COL1A2: variants seen among roughly 807,000 people sequenced by gnomAD.
COL1A2 encodes collagen alpha-2(I) chain.
COL1A2 carries 49 observed loss-of-function variants against 174.3 expected under a neutral mutation model. That is an observed-to-expected ratio of 0.28 (90% CI 0.22 to 0.36). The LOEUF (loss-of-function observed/expected upper bound fraction) is 0.36, where lower values mean the gene tolerates loss of function less well. COL1A2 is among the 10% of genes least tolerant of loss of function. The pLI, the probability that COL1A2 is intolerant of heterozygous loss-of-function variation, is 1.00. For missense variants in COL1A2, 1,438 were observed against 1,822.7 expected (o/e 0.79, Z 3.84); for synonymous variants, 655 against 606.6 (o/e 1.08, Z -1.17).
intron 39 of COL1A2, 179 bp from the exon 40 acceptor site, chr7:94,422,778 A>G: frequency 4.0e-6 from 3 of 749,836 alleles, no homozygotes; most frequent in Non-Finnish European, 6.7e-6. Flanking sequence ...AAAGGAAGAC[A>G]GGAGTTGCTT....
At chr7:94,421,769 C>T (rs1008557061) in intron 38 of COL1A2, 130 bp from the exon 39 acceptor site, 2 of 666,052 alleles carry the variant, frequency 3.0e-6, no homozygotes, top group Non-Finnish European at 5.4e-6. Flanking sequence ...CTATATGAAG[C>T]TGCCTACCTC....
chr7:94,429,010 T>G (rs1052519718), intron 50 of COL1A2, among the ~76,000 whole-genome samples, 178 bp from the exon 51 acceptor site: 9 of 152,162 alleles, frequency 5.9e-5, no homozygotes, highest in South Asian at 2.1e-4. Context: ...TTCATCTAGG[T>G]AACTGATACT....
intron 6 of COL1A2, among the ~76,000 whole-genome samples, chr7:94,402,597 G>A (rs1044674777): frequency 3.3e-5 from 5 of 151,996 alleles, no homozygotes; most frequent in Admixed American, 2.0e-4. Flanking sequence ...ATGCTAATAC[G>A]AGCATGCAAA....
intron 29 of COL1A2, 26 bp from the exon 30 acceptor site, chr7:94,415,200 A>G: frequency 6.2e-7 from 1 of 1,608,276 alleles, no homozygotes; most frequent in Non-Finnish European, 8.5e-7. Context: ...CACAGATTTC[A>G]TGCTTTATTC....
chr7:94,413,622 A>T (rs1791978012), intron 26 of COL1A2, 68 bp from the exon 27 acceptor site: 2 of 1,436,064 alleles, frequency 1.4e-6, no homozygotes, highest in Admixed American at 3.3e-5. Context: ...GTAATACCTG[A>T]GGCTTTGAGA....
rs1233645596 is a variant in COL1A2, at chr7:94,431,189, A to C, written c.*796A>C. On this transcript the variant is annotated 3_prime_UTR_variant, in exon 52 of 52. Coordinates refer to ENST00000297268, the MANE Select transcript of COL1A2 (RefSeq NM_000089.4). ...ATGTGAGATGTTTAAATAAATTGTG[A>C]AAAAAATGAAATAAAGCATGTTTGG... The C allele has an allele frequency of 6.6e-6, 1 of 152,628 alleles. No individual in the cohort carries two copies. Among genetic ancestry groups the C allele is most frequent in the Non-Finnish European group, 1.5e-5 (1 of 68,044 alleles). The allele number at this position is 152,628 out of a possible 1,614,324, so 9.5% of individuals were successfully genotyped here.
chr7:94,410,168 T>G, intron 19 of COL1A2, 74 bp from the exon 20 acceptor site: 1 of 1,483,068 alleles, frequency 6.7e-7, no homozygotes, highest in East Asian at 2.3e-5. Flanking sequence ...CCCACAAATA[T>G]TCTAAGAGAT....
At chr7:94,420,107 G>C (rs1308468576) in intron 34 of COL1A2, 126 bp from the exon 35 acceptor site, 1 of 1,204,166 alleles carries the variant, frequency 8.3e-7, no homozygotes, top group Non-Finnish European at 1.2e-6. Flanking sequence ...TCTGTGAGAT[G>C]TGCGTCAGTT....
Position 94,417,545 on chromosome 7 carries a change from C to T in COL1A2, c.1864-179C>T, listed in dbSNP as rs543815425. The T allele has an allele frequency of 5.0e-4, 311 of 628,252 alleles. 1 individual carries two copies. The African/African-American group carries it at 5.1e-3, about 10-fold the overall frequency. The allele number at this position is 628,252 out of a possible 1,614,324, so 38.9% of individuals were successfully genotyped here. On this transcript the variant is annotated intron_variant, in intron 31 of 51. Transcript: ENST00000297268. ...ACCCTCATCTCTTCAGTCACCATGT[C>T]ATTAACAGCATCTCTCTCTGCTATA... is the stretch of plus-strand genomic sequence containing the variant.
rs762194836 is a variant in COL1A2, at chr7:94,404,540, T to G, written c.280-16T>G. The G allele has an allele frequency of 1.2e-6, 2 of 1,612,616 alleles. No homozygotes were observed. ...CTTATCAGTGCTAACTGTTGATATATCTGCTTTCTTTACAGGGCTTAATGG... is the reference window on the plus strand; with the variant it reads ...CTTATCAGTGCTAACTGTTGATATAGCTGCTTTCTTTACAGGGCTTAATGG... On this transcript the variant is annotated splice_polypyrimidine_tract_variant and intron_variant, in intron 6 of 51. Transcript: ENST00000297268.
intron 51 of COL1A2, chr7:94,429,778 T>C (rs1278706394): frequency 7.4e-6 from 2 of 269,904 alleles, no homozygotes; most frequent in Non-Finnish European, 1.4e-5. Flanking sequence ...TTCAGTGGCC[T>C]AAACTATAAT....
chr7:94,395,109 C>T lies in COL1A2; in HGVS notation c.70+8C>T, dbSNP rs982206007. On this transcript the variant is annotated splice_region_variant and intron_variant, in intron 1 of 51. Coordinates refer to ENST00000297268, the MANE Select transcript of COL1A2 (RefSeq NM_000089.4). Reference sequence around the variant, plus strand: ...GCCTAGCAACATGCCAATGTAAGTGCCTTCAGCTTGTTTGGGGGAGACTGG... The same window carrying T: ...GCCTAGCAACATGCCAATGTAAGTGTCTTCAGCTTGTTTGGGGGAGACTGG... The T allele has an allele frequency of 5.6e-6, 9 of 1,613,186 alleles. No individual in the cohort carries two copies. The Admixed American group carries it at 1.0e-4, about 18-fold the overall frequency.
rs923287341 is a variant in COL1A2 at position 94,430,634 on chromosome 7, T to A, written c.*241T>A. On this transcript the variant is annotated 3_prime_UTR_variant, in exon 52 of 52. Coordinates refer to ENST00000297268, the MANE Select transcript of COL1A2 (RefSeq NM_000089.4). ...TTTTTTTTCAACACTCTTACACCTG[T>A]TATGGAAAATGTCAACCTTTGTAAG... 2.5e-5 allele frequency: 12 copies of A among 477,768 alleles called. No individual in the cohort carries two copies. The highest frequency in any genetic ancestry group is 4.1e-5 in the Non-Finnish European group (11 of 270,852). 29.6% of individuals were successfully genotyped at this position (477,768 alleles called of 1,614,324 possible). A position where few individuals can be genotyped will look rare whatever the true frequency, so the allele number is the denominator to read the frequency against.
chr7:94,413,964 A>G lies in COL1A2; in HGVS notation c.1665+17A>G, dbSNP rs1425808381. ...GGCTTCCAGGTAAGTCAACTCAAAC[A>G]TATACAATACTGCCTTTGGTCAGCC... is the stretch of plus-strand genomic sequence containing the variant. On this transcript the variant is annotated intron_variant, in intron 28 of 51. Coordinates refer to ENST00000297268, the MANE Select transcript of COL1A2 (RefSeq NM_000089.4). 1 of 1,605,382 alleles carries G rather than the reference A, an allele frequency of 6.2e-7. No individual in the cohort carries two copies. Among genetic ancestry groups the G allele is most frequent in the East Asian group, 2.2e-5 (1 of 44,838 alleles).
chr7:94,404,967 A>G (rs1222070655), intron 9 of COL1A2, 75 bp downstream of exon 9: 2 of 1,548,376 alleles, frequency 1.3e-6, no homozygotes, highest in South Asian at 2.2e-5. Flanking sequence ...CTAGATTCAA[A>G]TTAAGTATTC....
At chr7:94,400,603 G>C (rs553812571) in intron 5 of COL1A2, among the ~76,000 whole-genome samples, 1 of 152,234 alleles carries the variant, frequency 6.6e-6, no homozygotes, top group East Asian at 1.9e-4. Context: ...ATTTTGATTA[G>C]ATTGAACTGT....
chr7:94,429,891 C>A, intron 51 of COL1A2: 1 of 282,096 alleles, frequency 3.5e-6, no homozygotes. Context: ...TTAAAATTCA[C>A]TAACAGCAAG....
At position 94,401,560 on chromosome 7, in the gene COL1A2, T is replaced by A; in HGVS notation, c.226-7T>A. 1 of 1,357,262 alleles carries A rather than the reference T, an allele frequency of 7.4e-7. No individual in the cohort carries two copies. The highest frequency in any genetic ancestry group is 9.6e-7 in the Non-Finnish European group (1 of 1,042,720). The allele number at this position is 1,357,262 out of a possible 1,614,324, so 84.1% of individuals were successfully genotyped here. ...ATATATATAATTTTTTTTTTTTACT[T>A]CTCTAGAACTTTGCTGCTCAGTATG... is the stretch of plus-strand genomic sequence containing the variant. On this transcript the variant is annotated splice_polypyrimidine_tract_variant and splice_region_variant and intron_variant, in intron 5 of 51. Coordinates refer to ENST00000297268, the MANE Select transcript of COL1A2 (RefSeq NM_000089.4).
chr7:94,420,557 C>A lies in COL1A2; in HGVS notation c.2204C>A (p.Pro735His). The A allele has an allele frequency of 6.2e-7, 1 of 1,613,976 alleles. No individual in the cohort carries two copies. Among genetic ancestry groups the A allele is most frequent in the Non-Finnish European group, 8.5e-7 (1 of 1,179,956 alleles). The stretch of plus-strand genomic sequence containing the variant: ...TTCCAACAGGGTGCTGCTGGTCAAC[C>A]TGGTGCTAAAGGAGAAAGAGGAGCC... ...FAGPAGAAGQ[P>H]GAKGERGAKG... The change falls in exon 37 of 52, where the codon CCT (proline) becomes CAT (histidine). Residue 735 changes from proline to histidine, a missense_variant. Pro to His is a moderately conservative substitution (Grantham distance 77). Transcript: ENST00000297268.
Sources: allele counts gnomAD v4.1 joint callset (sites outside exome capture counted in the v4.1 genomes callset), GRCh38; gene constraint gnomAD v4.1.1; transcripts MANE v1.5; gene names NCBI Gene and HGNC (gene_info 2026-07-23, HGNC 2026-07-21).